Variants in ROR1 observed in about 807,000 individuals in gnomAD.
The protein encoded by ROR1 is ROR family WNT receptor 1, also known as inactive tyrosine-protein kinase transmembrane receptor ROR1.
In ROR1, 19 loss-of-function variants were observed where a neutral mutation model predicts 78.8. The observed-to-expected ratio is 0.24, with a 90% confidence interval of 0.17 to 0.35. ROR1 has a LOEUF of 0.35. Ranked by LOEUF, ROR1 falls within the 10% of genes least tolerant of loss-of-function variation. The pLI, the probability that ROR1 is intolerant of heterozygous loss-of-function variation, is 1.00. For missense variants in ROR1, 917 were observed against 1,177.8 expected, an observed-to-expected ratio of 0.78 and a Z score of 3.24; for synonymous variants, 386 against 433.6, an observed-to-expected ratio of 0.89 and a Z score of 1.36.
At chr1:64,009,687 T>C (rs949473807) in intron 2 of ROR1, among the ~76,000 whole-genome samples, 1 of 152,144 alleles carries the variant, frequency 6.6e-6, no homozygotes, top group Non-Finnish European at 1.5e-5. Context: ...TGGATCTTAT[T>C]TAGGGGATTT....
intron 1 of ROR1, chr1:63,788,969 A>G: frequency 4.5e-6 from 3 of 674,088 alleles, no homozygotes; most frequent in South Asian, 4.1e-5. Flanking sequence ...CAATCTTCTT[A>G]GATATGCGGT....
At chr1:63,804,851 A>G (rs969176378) in intron 1 of ROR1, among the ~76,000 whole-genome samples, 6 of 152,148 alleles carry the variant, frequency 3.9e-5, no homozygotes, top group African/African-American at 1.4e-4. Flanking sequence ...AGAGGATGCC[A>G]TCTCTAGGCT....
chr1:64,149,794 A>G (rs979312983), intron 7 of ROR1, among the ~76,000 whole-genome samples: 2 of 152,226 alleles, frequency 1.3e-5, no homozygotes, highest in Non-Finnish European at 2.9e-5. Context: ...AGTTCTTTCT[A>G]ACTGGCATCT....
intron 1 of ROR1, among the ~76,000 whole-genome samples, chr1:63,923,649 T>C (rs767244927): frequency 6.6e-6 from 1 of 151,464 alleles, no homozygotes; most frequent in Non-Finnish European, 1.5e-5. Flanking sequence ...GCTTCTTACC[T>C]GGTCTTCTGC....
chr1:63,860,669 T>G (rs1440669793), intron 1 of ROR1, among the ~76,000 whole-genome samples: 5 of 141,054 alleles, frequency 3.5e-5, no homozygotes, highest in Non-Finnish European at 7.5e-5. Flanking sequence ...CTCAAGAGGG[T>G]GAGGTAGGAG....
chr1:63,857,587 C>T (rs942837443), intron 1 of ROR1, among the ~76,000 whole-genome samples: 3 of 152,128 alleles, frequency 2.0e-5, no homozygotes, highest in Non-Finnish European at 4.4e-5. Flanking sequence ...CCTCATGGTT[C>T]CCCAGGCATG....
chr1:63,846,853 C>T (rs531201694), intron 1 of ROR1, among the ~76,000 whole-genome samples: 9 of 152,186 alleles, frequency 5.9e-5, no homozygotes, highest in Middle Eastern at 3.2e-3. Flanking sequence ...ACTCCTAATG[C>T]GGCACAGCGC....
At chr1:63,900,466 A>AAG (rs1337840141) in intron 1 of ROR1, among the ~76,000 whole-genome samples, 1 of 151,510 alleles carries the variant, frequency 6.6e-6, no homozygotes, top group Non-Finnish European at 1.5e-5. Flanking sequence ...AAAAAAAAAA[A>AAG]AAAAGGAAAA....
Position 63,864,225 on chromosome 1 carries a change from C to T in ROR1, c.91+89717C>T, listed in dbSNP as rs145100923. Among the ~76,000 whole-genome samples the T allele has an allele frequency of 5.6e-4, 86 of 152,246 alleles. No individual in the cohort carries two copies. The East Asian group carries it at 0.012, about 22-fold the overall frequency. On this transcript the variant is annotated intron_variant, in intron 1 of 8. Coordinates refer to ENST00000371079, the MANE Select transcript of ROR1 (RefSeq NM_005012.4). ...GATGGAGGCAGGATTCAAACTCAGG[C>T]GGTCAGCCTCAGGCAGCCTCATGTT...
chr1:64,121,447 A>T (rs560570808), intron 4 of ROR1, among the ~76,000 whole-genome samples: 256 of 152,246 alleles, frequency 1.7e-3, no homozygotes, highest in Non-Finnish European at 2.7e-3. Context: ...TTGATGGACA[A>T]CTAGAAGTCT....
At chr1:63,785,286 T>G (rs1644677149) in intron 1 of ROR1, among the ~76,000 whole-genome samples, 1 of 152,182 alleles carries the variant, frequency 6.6e-6, no homozygotes, top group Non-Finnish European at 1.5e-5. Context: ...TTCTTTTTTC[T>G]GCCTGAACTT....
chr1:63,824,037 C>T (rs1644939301), intron 1 of ROR1, among the ~76,000 whole-genome samples: 2 of 152,136 alleles, frequency 1.3e-5, no homozygotes, highest in Non-Finnish European at 2.9e-5. Context: ...CGTGAGCTAC[C>T]GTGCCCAGCC....
intron 4 of ROR1, among the ~76,000 whole-genome samples, chr1:64,062,040 ACT>A (rs1569657805): frequency 6.6e-6 from 1 of 150,540 alleles, no homozygotes; most frequent in East Asian, 2.0e-4. Flanking sequence ...TCACCTGGAA[ACT>A]CTCCCTCAAA....
At chr1:63,874,173 G>A (rs1362523742) in intron 1 of ROR1, among the ~76,000 whole-genome samples, 1 of 152,134 alleles carries the variant, frequency 6.6e-6, no homozygotes, top group East Asian at 1.9e-4. Flanking sequence ...GGAAATGGAG[G>A]AGAGAAATTG....
At position 64,131,544 on chromosome 1, in the gene ROR1, T is replaced by C. The variant is rs1420622585; in HGVS notation, c.483-5825T>C. 4.6e-4 allele frequency among the ~76,000 whole-genome samples: 5 copies of C among 10,882 alleles called. No individual in the cohort carries two copies. In the Admixed American group the frequency reaches 7.3e-3, roughly 16 times the overall value. 7.1% of individuals were successfully genotyped at this position (10,882 alleles called of 152,430 possible). On this transcript the variant is annotated intron_variant, in intron 4 of 8. Transcript: ENST00000371079. Reference sequence around the variant, plus strand: ...CCCTCTACCTTGGCCCTTGTGTAAATGATATTTTTTTTTTAATTAAGGTGG... The same window carrying C: ...CCCTCTACCTTGGCCCTTGTGTAAACGATATTTTTTTTTTAATTAAGGTGG...
intron 4 of ROR1, among the ~76,000 whole-genome samples, chr1:64,118,615 A>G (rs553570528): frequency 2.4e-4 from 34 of 144,144 alleles, no homozygotes; most frequent in African/African-American, 8.8e-4. Flanking sequence ...CCTGAGCTAC[A>G]GAGCGAGACT....
chr1:63,929,083 C>T (rs1248949748), intron 1 of ROR1, among the ~76,000 whole-genome samples: 1 of 152,210 alleles, frequency 6.6e-6, no homozygotes, highest in African/African-American at 2.4e-5. Flanking sequence ...CACTTCCTGC[C>T]TCAGGGATAT....
intron 4 of ROR1, among the ~76,000 whole-genome samples, chr1:64,074,230 C>T (rs542774442): frequency 3.3e-5 from 5 of 152,268 alleles, no homozygotes; most frequent in South Asian, 2.1e-4. Flanking sequence ...GGTATCCAAC[C>T]GTGCCCCAAA....
chr1:64,045,481 C>T (rs1272518291), intron 2 of ROR1, among the ~76,000 whole-genome samples: 6 of 152,124 alleles, frequency 3.9e-5, no homozygotes, highest in Non-Finnish European at 8.8e-5. Context: ...AAAACTTTCT[C>T]CCCTCAGTGG....
Sources: allele counts gnomAD v4.1 joint callset (sites outside exome capture counted in the v4.1 genomes callset), GRCh38; gene constraint gnomAD v4.1.1; transcripts MANE v1.5; gene names NCBI Gene and HGNC (gene_info 2026-07-23, HGNC 2026-07-21).